RAB7A: variants seen among roughly 807,000 people sequenced by gnomAD.
The protein encoded by RAB7A is ras-related protein Rab-7a.
In RAB7A, 2 loss-of-function variants were observed where a neutral mutation model predicts 24.5. That is an observed-to-expected ratio of 0.08 (90% CI 0.03 to 0.26). The LOEUF is 0.26. Ranked by LOEUF, RAB7A falls within the 10% of genes least tolerant of loss-of-function variation. RAB7A has a pLI of 1.00. For synonymous variants in RAB7A, 100 were observed against 95.9 expected, an observed-to-expected ratio of 1.04 and a Z score of -0.25; for missense variants, 118 against 255.7, an observed-to-expected ratio of 0.46 and a Z score of 3.67.
At chr3:128,733,274 T>C (rs1397908564) in intron 1 of RAB7A, among the ~76,000 whole-genome samples, 2 of 152,190 alleles carry the variant, frequency 1.3e-5, no homozygotes, top group African/African-American at 4.8e-5. Context: ...TTTGCCTGAT[T>C]TGGATTTTGT....
chr3:128,810,714 C>T (rs554149052), intron 5 of RAB7A, among the ~76,000 whole-genome samples: 2 of 152,314 alleles, frequency 1.3e-5, no homozygotes, highest in East Asian at 1.9e-4. Flanking sequence ...CAAATACAGC[C>T]ACCTGAAGGG....
chr3:128,764,547 G>C, intron 1 of RAB7A: 1 of 1,200,282 alleles, frequency 8.3e-7, no homozygotes, highest in Non-Finnish European at 1.2e-6. Flanking sequence ...CTCCCATCTT[G>C]TGCAAGTTGG....
At chr3:128,765,324 T>A (rs1296885444) in intron 1 of RAB7A, among the ~76,000 whole-genome samples, 1 of 152,144 alleles carries the variant, frequency 6.6e-6, no homozygotes, top group Admixed American at 6.5e-5. Context: ...CGAGTGACCT[T>A]CCTCTCCTTC....
chr3:128,800,121 CA>C (rs1284195893), intron 3 of RAB7A, among the ~76,000 whole-genome samples: 1 of 152,054 alleles, frequency 6.6e-6, no homozygotes, highest in Non-Finnish European at 1.5e-5. Flanking sequence ...AAGAGCTGAG[CA>C]AATTTTCTAA....
intron 1 of RAB7A, among the ~76,000 whole-genome samples, chr3:128,736,913 T>C (rs1195027964): frequency 6.6e-6 from 1 of 152,192 alleles, no homozygotes; most frequent in Non-Finnish European, 1.5e-5. Flanking sequence ...TTGGGGGAAA[T>C]AGCTCTCATT....
intron 1 of RAB7A, among the ~76,000 whole-genome samples, chr3:128,732,432 A>C (rs2070448343): frequency 6.6e-6 from 1 of 151,964 alleles, no homozygotes; most frequent in African/African-American, 2.4e-5. Flanking sequence ...AATATAAAGA[A>C]GGAAAATTTG....
At chr3:128,773,512 T>TG (rs1298356793) in intron 1 of RAB7A, among the ~76,000 whole-genome samples, 1 of 138,496 alleles carries the variant, frequency 7.2e-6, no homozygotes, top group Non-Finnish European at 1.6e-5. Flanking sequence ...GTCCGGGAGG[T>TG]GGGGGGCACC....
chr3:128,742,594 C>T (rs770766773), intron 1 of RAB7A, among the ~76,000 whole-genome samples: 1 of 152,026 alleles, frequency 6.6e-6, no homozygotes, highest in African/African-American at 2.4e-5. Flanking sequence ...TTCTCCAAGT[C>T]CCCACTAGAT....
At chr3:128,801,782 G>A (rs144499465) in intron 3 of RAB7A, among the ~76,000 whole-genome samples, 31 of 152,210 alleles carry the variant, frequency 2.0e-4, no homozygotes, top group African/African-American at 7.0e-4. Flanking sequence ...GAATTTTCGA[G>A]AATTGGTGTG....
At chr3:128,770,891 G>A (rs2070878568) in intron 1 of RAB7A, among the ~76,000 whole-genome samples, 1 of 151,730 alleles carries the variant, frequency 6.6e-6, no homozygotes, top group African/African-American at 2.4e-5. Flanking sequence ...AAAGCATTTG[G>A]GAACTGATTG....
At chr3:128,750,821 A>T (rs758109102) in intron 1 of RAB7A, among the ~76,000 whole-genome samples, 2 of 152,192 alleles carry the variant, frequency 1.3e-5, no homozygotes, top group African/African-American at 4.8e-5. Flanking sequence ...CCTTCCCATC[A>T]CAGGCCTGGA....
chr3:128,772,064 C>T, intron 1 of RAB7A, among the ~76,000 whole-genome samples: 1 of 152,126 alleles, frequency 6.6e-6, no homozygotes, highest in Non-Finnish European at 1.5e-5. Flanking sequence ...AATTTTAACT[C>T]ATAAGACAAG....
chr3:128,733,008 T>G (rs2070453847), intron 1 of RAB7A, among the ~76,000 whole-genome samples: 1 of 152,226 alleles, frequency 6.6e-6, no homozygotes, highest in Non-Finnish European at 1.5e-5. Flanking sequence ...GTGAGGAACC[T>G]GATGCATCCA....
intron 3 of RAB7A, among the ~76,000 whole-genome samples, chr3:128,805,977 C>G (rs779581849): frequency 1.5e-4 from 23 of 152,172 alleles, no homozygotes; most frequent in Non-Finnish European, 2.6e-4. Context: ...CCTCACTTCC[C>G]TATTGAACTG....
At chr3:128,763,864 G>T (rs868363151) in intron 1 of RAB7A, among the ~76,000 whole-genome samples, 2 of 82,624 alleles carry the variant, frequency 2.4e-5, no homozygotes, top group African/African-American at 3.8e-5. Flanking sequence ...TTAGATTCCC[G>T]CCCCCCCCCC....
chr3:128,767,156 C>G (rs2070840165), intron 1 of RAB7A, among the ~76,000 whole-genome samples: 1 of 152,208 alleles, frequency 6.6e-6, no homozygotes, highest in African/African-American at 2.4e-5. Flanking sequence ...GGCTCAGCCT[C>G]TGCTCTGAAT....
chr3:128,753,616 A>C (rs897080262), intron 1 of RAB7A, among the ~76,000 whole-genome samples: 2 of 152,196 alleles, frequency 1.3e-5, no homozygotes. Flanking sequence ...GGGAAGTCCA[A>C]AATCAAGGCT....
intron 5 of RAB7A, among the ~76,000 whole-genome samples, chr3:128,808,155 G>A (rs1287732967): frequency 6.6e-6 from 1 of 151,938 alleles, no homozygotes. Flanking sequence ...TCAGGAGTTC[G>A]AGACCAGCCT....
chr3:128,746,686 G>A (rs1306631216), intron 1 of RAB7A, among the ~76,000 whole-genome samples: 2 of 151,682 alleles, frequency 1.3e-5, no homozygotes, highest in Non-Finnish European at 2.9e-5. Context: ...ATGCCACCAC[G>A]CCCAGCTAAT....
Sources: gnomAD v4.1 joint callset for allele counts (sites outside exome capture counted in the v4.1 genomes callset) on GRCh38, gnomAD v4.1.1 for gene constraint, MANE v1.5 for transcripts, NCBI Gene and HGNC (gene_info 2026-07-23, HGNC 2026-07-21) for gene names.